ATG13: variants seen among roughly 807,000 people sequenced by gnomAD.
The protein encoded by ATG13 is autophagy-related protein 13.
A neutral mutation model predicts 65.5 loss-of-function variants in ATG13; 23 were observed. The observed-to-expected ratio is 0.35, with a 90% CI of 0.25 to 0.50. ATG13 has a LOEUF of 0.50. Among genes scored for constraint, ATG13 ranks in the 20% least tolerant of loss-of-function variants. The pLI is 0.98. For missense variants in ATG13, 566 were observed against 677.0 expected (o/e 0.84, Z 1.82); for synonymous variants, 252 against 245.2 (o/e 1.03, Z -0.26).
intron 6 of ATG13, among the ~76,000 whole-genome samples, chr11:46,649,605 A>G (rs2058487592): frequency 6.6e-6 from 1 of 152,124 alleles, no homozygotes. Flanking sequence ...AATGCATGTT[A>G]TTTCCTTTCC....
At chr11:46,635,196 G>A (rs958911056) in intron 2 of ATG13, among the ~76,000 whole-genome samples, 1 of 151,056 alleles carries the variant, frequency 6.6e-6, no homozygotes, top group South Asian at 2.1e-4. Flanking sequence ...TAGTAGAGAC[G>A]GGTTTTGCTA....
intron 2 of ATG13, chr11:46,632,201 C>A (rs544605318): frequency 5.9e-4 from 89 of 151,898 alleles, no homozygotes; most frequent in African/African-American, 2.1e-3. Flanking sequence ...TTTTTTTTAC[C>A]TGATTAAGGC....
Position 46,638,129 on chromosome 11 carries a change from T to C in ATG13, c.-13-6150T>C, listed in dbSNP as rs554303942. On this transcript the variant is annotated intron_variant, in intron 2 of 18. Transcript: ENST00000683050. Reference sequence around the variant, plus strand: ...TTAAACATTTATTGTTTCTTTGTGATGAGAACATTTAAAAACCTCTTTTTT... The same window carrying C: ...TTAAACATTTATTGTTTCTTTGTGACGAGAACATTTAAAAACCTCTTTTTT... Among the ~76,000 whole-genome samples, 17 of 152,316 alleles carry C rather than the reference T, an allele frequency of 1.1e-4. No individual in the cohort carries two copies. The South Asian group carries it at 2.9e-3, about 26-fold the overall frequency.
At chr11:46,664,220 T>C (rs2061792992) in intron 12 of ATG13, 125 bp downstream of exon 12, 1 of 791,884 alleles carries the variant, frequency 1.3e-6, no homozygotes, top group African/African-American at 1.8e-5. Context: ...TTTTGAGGCT[T>C]GGTAATAGAT....
chr11:46,650,339 C>G, intron 7 of ATG13, 22 bp downstream of exon 7: 1 of 1,603,974 alleles, frequency 6.2e-7, no homozygotes, highest in Non-Finnish European at 8.5e-7. Context: ...AGATGGTCAT[C>G]TTGATTCACT....
intron 2 of ATG13, among the ~76,000 whole-genome samples, chr11:46,639,771 C>A (rs941216377): frequency 2.6e-5 from 4 of 151,470 alleles, no homozygotes; most frequent in Non-Finnish European, 4.4e-5. Context: ...TATATTCTTA[C>A]ACTGGTTTGG....
rs921690542 is a variant in ATG13, at chr11:46,672,775, G to C, written c.*443G>C. The C allele has an allele frequency of 8.2e-6, 11 of 1,348,656 alleles. No individual in the cohort carries two copies. Among genetic ancestry groups the C allele is most frequent in the Non-Finnish European group, 1.1e-5 (11 of 1,021,088 alleles). The allele number at this position is 1,348,656 out of a possible 1,614,324, so 83.5% of individuals were successfully genotyped here. On this transcript the variant is annotated 3_prime_UTR_variant, in exon 19 of 19. Coordinates refer to ENST00000683050, the MANE Select transcript of ATG13 (RefSeq NM_001346311.2). ...AGATTGGTGTGGAGTCGCAGAAAGA[G>C]GAAGGAGACAGTGCCAGGAGGAAGA...
At chr11:46,640,760 A>G (rs2055699821) in intron 2 of ATG13, among the ~76,000 whole-genome samples, 1 of 152,278 alleles carries the variant, frequency 6.6e-6, no homozygotes, top group Admixed American at 6.5e-5. Flanking sequence ...AATGCAGATT[A>G]GATGAGATAC....
intron 2 of ATG13, among the ~76,000 whole-genome samples, chr11:46,640,004 C>A (rs2055404228): frequency 6.6e-6 from 1 of 151,892 alleles, no homozygotes; most frequent in Non-Finnish European, 1.5e-5. Flanking sequence ...CCATGCCCAG[C>A]TAATTTTTAT....
intron 11 of ATG13, among the ~76,000 whole-genome samples, chr11:46,662,212 G>A (rs983761439): frequency 6.6e-6 from 1 of 152,172 alleles, no homozygotes; most frequent in East Asian, 1.9e-4. Context: ...TTGTAGATAT[G>A]TCTAATATTT....
intron 13 of ATG13, 37 bp from the exon 14 acceptor site, chr11:46,665,346 G>T (rs374752987): frequency 1.2e-6 from 2 of 1,601,530 alleles, no homozygotes; most frequent in Admixed American, 1.7e-5. Flanking sequence ...TGCCTGGCAT[G>T]CCATGATTCA....
At chr11:46,657,033 C>T (rs1302830390) in intron 8 of ATG13, 62 bp from the exon 9 acceptor site, 36 of 1,360,340 alleles carry the variant, frequency 2.6e-5, no homozygotes, top group South Asian at 1.5e-4. Flanking sequence ...CAGGGAAAGA[C>T]GGTCTGGGGG....
At chr11:46,648,505 G>A (rs546334115) in intron 5 of ATG13, among the ~76,000 whole-genome samples, 4 of 152,066 alleles carry the variant, frequency 2.6e-5, no homozygotes, top group African/African-American at 4.8e-5. Flanking sequence ...TTGGCCGGGC[G>A]CAGTGGCTTA....
At chr11:46,666,053 C>T (rs1257536605) in intron 14 of ATG13, among the ~76,000 whole-genome samples, 1 of 152,060 alleles carries the variant, frequency 6.6e-6, no homozygotes, top group African/African-American at 2.4e-5. Flanking sequence ...GTGATCCTCC[C>T]GCCTTGACTT....
chr11:46,627,612 A>G (rs2050157960), intron 1 of ATG13, among the ~76,000 whole-genome samples: 1 of 151,836 alleles, frequency 6.6e-6, no homozygotes, highest in Admixed American at 6.6e-5. Context: ...CTGGGATTAC[A>G]GGCATGTGTC....
chr11:46,650,431 T>A, intron 7 of ATG13, 114 bp downstream of exon 7: 2 of 1,368,846 alleles, frequency 1.5e-6, no homozygotes, highest in Non-Finnish European at 2.0e-6. Context: ...GTTTGTTGGA[T>A]TATTGATGCT....
intron 1 of ATG13, among the ~76,000 whole-genome samples, chr11:46,628,102 G>T (rs1283587615): frequency 7.2e-6 from 1 of 139,118 alleles, no homozygotes; most frequent in East Asian, 2.0e-4. Context: ...AAAAAAAAAA[G>T]GCAGGAAAAA....
intron 18 of ATG13, among the ~76,000 whole-genome samples, chr11:46,670,427 G>A (rs1004101571): frequency 6.0e-5 from 9 of 150,038 alleles, no homozygotes; most frequent in African/African-American, 2.2e-4. Flanking sequence ...GTTGCAGTGA[G>A]CCAAGATTGG....
intron 16 of ATG13, 78 bp downstream of exon 16, chr11:46,668,654 C>T (rs1473572497): frequency 1.3e-6 from 2 of 1,535,090 alleles, no homozygotes; most frequent in Non-Finnish European, 1.8e-6. Context: ...GTCACTAATC[C>T]CCCACAGACT....
Sources: gnomAD v4.1 joint callset for allele counts (sites outside exome capture counted in the v4.1 genomes callset) on GRCh38, gnomAD v4.1.1 for gene constraint, MANE v1.5 for transcripts, NCBI Gene and HGNC (gene_info 2026-07-23, HGNC 2026-07-21) for gene names.